The following KCNH1 variants were observed in gnomAD, a reference collection of about 807,000 sequenced individuals.
The protein encoded by KCNH1 is voltage-gated delayed rectifier potassium channel KCNH1.
In KCNH1, 27 loss-of-function variants were observed where a neutral mutation model predicts 69.2. The observed-to-expected ratio is 0.39, with a 90% CI of 0.29 to 0.54. The LOEUF (loss-of-function observed/expected upper bound fraction) is 0.54, where lower values mean the gene tolerates loss of function less well. Ranked by LOEUF, KCNH1 falls within the 20% of genes least tolerant of loss-of-function variation. KCNH1 has a pLI of 0.68. For missense variants in KCNH1, 798 were observed against 1,261.6 expected, an observed-to-expected ratio of 0.63 and a Z score of 5.57; for synonymous variants, 456 against 487.7, an observed-to-expected ratio of 0.93 and a Z score of 0.86.
chr1:211,063,196 T>C (rs1178473241), intron 5 of KCNH1, among the ~76,000 whole-genome samples: 1 of 152,050 alleles, frequency 6.6e-6, no homozygotes, highest in East Asian at 1.9e-4. Context: ...GTGAAATAAG[T>C]CAAGCGCAGA....
chr1:210,811,159 T>C (rs1684693414), intron 7 of KCNH1, among the ~76,000 whole-genome samples: 1 of 152,238 alleles, frequency 6.6e-6, no homozygotes, highest in African/African-American at 2.4e-5. Flanking sequence ...TCACTGTGCC[T>C]GTTGTCCCCC....
rs940971527 is a variant in KCNH1 at position 210,996,198 on chromosome 1, G to A, written c.1032+22585C>T. On this transcript the variant is annotated intron_variant, in intron 6 of 10. Transcript: ENST00000271751. ...AGCAGGGTGAGGCATCGCCTCACTC[G>A]GGAAGCACAAAGGGTCAGGGAGTTC... Among the ~76,000 whole-genome samples, 5 of 152,252 alleles carry A rather than the reference G, an allele frequency of 3.3e-5. No homozygotes were observed. In the South Asian group the frequency reaches 8.3e-4, roughly 25 times the overall value.
chr1:210,733,306 A>C (rs189649925), intron 10 of KCNH1, among the ~76,000 whole-genome samples: 18 of 152,322 alleles, frequency 1.2e-4, no homozygotes, highest in Admixed American at 5.9e-4. Flanking sequence ...AAGCGCATAG[A>C]AATTTGGGTA....
intron 10 of KCNH1, among the ~76,000 whole-genome samples, chr1:210,749,606 G>C (rs766092020): frequency 6.6e-6 from 1 of 152,108 alleles, no homozygotes; most frequent in Admixed American, 6.5e-5. Context: ...CAAGATCCCA[G>C]ATGATTTGTG....
intron 6 of KCNH1, among the ~76,000 whole-genome samples, chr1:210,948,681 A>C (rs542841469): frequency 6.6e-6 from 1 of 151,834 alleles, no homozygotes; most frequent in Non-Finnish European, 1.5e-5. Context: ...TACAAAAAAA[A>C]ATTTAGCCAG....
At chr1:211,053,897 T>G (rs764178424) in intron 5 of KCNH1, among the ~76,000 whole-genome samples, 1 of 152,142 alleles carries the variant, frequency 6.6e-6, no homozygotes, top group Admixed American at 6.5e-5. Flanking sequence ...CGAGCAATGT[T>G]AGCAGACATG....
chr1:210,713,087 A>ATTCACCTTTAAAAAGTTTTTC (rs1329427665), intron 10 of KCNH1, among the ~76,000 whole-genome samples: 5 of 152,192 alleles, frequency 3.3e-5, no homozygotes, highest in African/African-American at 9.6e-5. Flanking sequence ...AATTTATTTT[A>ATTCACCTTTAAAAAGTTTTTC]TTCACCTTTA....
At chr1:211,085,519 C>T (rs1690936794) in intron 4 of KCNH1, among the ~76,000 whole-genome samples, 1 of 151,190 alleles carries the variant, frequency 6.6e-6, no homozygotes, top group Admixed American at 6.6e-5. Flanking sequence ...GAAGATATGT[C>T]AGCACAACAG....
chr1:210,774,347 G>T (rs569764772), intron 10 of KCNH1, among the ~76,000 whole-genome samples: 1 of 152,184 alleles, frequency 6.6e-6, no homozygotes, highest in South Asian at 2.1e-4. Context: ...AGAATTCTGT[G>T]GGGGCCTTGA....
intron 10 of KCNH1, among the ~76,000 whole-genome samples, chr1:210,770,140 G>T (rs898236348): frequency 3.3e-5 from 5 of 150,138 alleles, no homozygotes; most frequent in African/African-American, 1.2e-4. Context: ...TCATAAGTGG[G>T]AATTGAACAA....
At chr1:211,128,330 T>A (rs993216938) in intron 1 of KCNH1, among the ~76,000 whole-genome samples, 2 of 149,808 alleles carry the variant, frequency 1.3e-5, no homozygotes, top group Non-Finnish European at 3.0e-5. Flanking sequence ...AAGCAGTACA[T>A]GCAACAACAT....
rs555810033 is a variant in KCNH1 at position 210,984,919 on chromosome 1, T to A, written c.1032+33864A>T. On this transcript the variant is annotated intron_variant, in intron 6 of 10. Transcript: ENST00000271751. ...GCTGTGAACCCATCTGGTCGTGGAC[T>A]TTTTTTGGTTGGTAAGCTATTAATT... is the stretch of plus-strand genomic sequence containing the variant. Among the ~76,000 whole-genome samples, 6 of 152,288 alleles carry A rather than the reference T, an allele frequency of 3.9e-5. No homozygotes were observed. The South Asian group carries it at 1.2e-3, about 32-fold the overall frequency.
chr1:210,925,742 T>C (rs2102569390), intron 6 of KCNH1, among the ~76,000 whole-genome samples: 1 of 152,310 alleles, frequency 6.6e-6, no homozygotes, highest in African/African-American at 2.4e-5. Flanking sequence ...AAAGAAAGAC[T>C]GAACTCAGAC....
At chr1:211,112,265 CT>C (rs1691484155) in intron 1 of KCNH1, among the ~76,000 whole-genome samples, 1 of 150,536 alleles carries the variant, frequency 6.6e-6, no homozygotes, top group Admixed American at 6.6e-5. Context: ...TGAGGAGCTC[CT>C]CTGCCCCATC....
chr1:211,027,001 T>C (rs1689696182), intron 5 of KCNH1, among the ~76,000 whole-genome samples: 1 of 152,086 alleles, frequency 6.6e-6, no homozygotes, highest in Admixed American at 6.6e-5. Flanking sequence ...AAATTCAAAA[T>C]TTAAATAAGA....
At chr1:210,987,041 C>G (rs1300967046) in intron 6 of KCNH1, among the ~76,000 whole-genome samples, 1 of 152,186 alleles carries the variant, frequency 6.6e-6, no homozygotes, top group Non-Finnish European at 1.5e-5. Context: ...ATTTCATCTT[C>G]CATCACTGAT....
At chr1:210,950,550 A>G (rs1688046431) in intron 6 of KCNH1, among the ~76,000 whole-genome samples, 1 of 151,112 alleles carries the variant, frequency 6.6e-6, no homozygotes, top group African/African-American at 2.4e-5. Flanking sequence ...ACATGAACTC[A>G]TCATTTTTTA....
intron 5 of KCNH1, among the ~76,000 whole-genome samples, chr1:211,066,734 G>A (rs1230547629): frequency 6.6e-6 from 1 of 152,108 alleles, no homozygotes; most frequent in African/African-American, 2.4e-5. Context: ...GAAATGACTT[G>A]CCTGACATCA....
chr1:211,076,216 T>C (rs928641553), intron 5 of KCNH1, among the ~76,000 whole-genome samples: 5 of 152,158 alleles, frequency 3.3e-5, no homozygotes, highest in Admixed American at 2.0e-4. Context: ...GTCTAACAGC[T>C]CTGAAGAGAG....
Sources: gnomAD v4.1 joint callset for allele counts (sites outside exome capture counted in the v4.1 genomes callset) on GRCh38, gnomAD v4.1.1 for gene constraint, MANE v1.5 for transcripts, NCBI Gene and HGNC (gene_info 2026-07-23, HGNC 2026-07-21) for gene names.